The following NRXN3 variants were observed in gnomAD, a reference collection of about 807,000 sequenced individuals.
NRXN3 encodes neurexin 3.
A neutral mutation model predicts 137.6 loss-of-function variants in NRXN3; 32 were observed. That is an observed-to-expected ratio of 0.23 (90% confidence interval 0.18 to 0.31). NRXN3 has a LOEUF of 0.31. Ranked by LOEUF, NRXN3 falls within the 10% of genes least tolerant of loss-of-function variation. NRXN3 has a pLI of 1.00. For synonymous variants in NRXN3, 798 were observed against 784.5 expected (o/e 1.02, Z -0.29); for missense variants, 1,574 against 2,062.5 (o/e 0.76, Z 4.59).
intron 9 of NRXN3, among the ~76,000 whole-genome samples, chr14:78,806,930 CT>C (rs1364589675): frequency 1.3e-5 from 2 of 152,162 alleles, no homozygotes; most frequent in Admixed American, 6.5e-5. Flanking sequence ...TTTATGCTTA[CT>C]TTTACAGATG....
At chr14:79,810,972 C>A (rs755179309) in intron 20 of NRXN3, among the ~76,000 whole-genome samples, 3 of 152,138 alleles carry the variant, frequency 2.0e-5, no homozygotes, top group Non-Finnish European at 2.9e-5. Flanking sequence ...GTGTCTTTGT[C>A]AAGTTTGAAG....
At chr14:78,526,689 G>A (rs2096384758) in intron 4 of NRXN3, 1 of 503,448 alleles carries the variant, frequency 2.0e-6, no homozygotes, top group South Asian at 1.5e-5. Flanking sequence ...GTGCACTAGG[G>A]TAAGCACTTT....
intron 2 of NRXN3, among the ~76,000 whole-genome samples, chr14:78,264,480 A>G (rs1290908411): frequency 6.6e-6 from 1 of 152,120 alleles, no homozygotes; most frequent in African/African-American, 2.4e-5. Context: ...GGTCAGTGGC[A>G]GAGTTGGGGA....
At chr14:78,314,131 T>C (rs1195570186) in intron 4 of NRXN3, among the ~76,000 whole-genome samples, 3 of 152,186 alleles carry the variant, frequency 2.0e-5, no homozygotes, top group Non-Finnish European at 4.4e-5. Flanking sequence ...CTTTTCTGGG[T>C]GCAAGTAGTT....
chr14:79,111,597 G>C (rs1354603351), intron 15 of NRXN3, among the ~76,000 whole-genome samples: 1 of 152,110 alleles, frequency 6.6e-6, no homozygotes, highest in Admixed American at 6.5e-5. Flanking sequence ...AAATTAGCCA[G>C]GCGTGGTGAT....
chr14:78,768,888 C>T (rs1265484612), intron 8 of NRXN3, among the ~76,000 whole-genome samples: 1 of 152,190 alleles, frequency 6.6e-6, no homozygotes, highest in African/African-American at 2.4e-5. Context: ...ACTAGAAGCT[C>T]TCCAAACCCC....
At chr14:78,517,760 C>T (rs1193864222) in intron 4 of NRXN3, among the ~76,000 whole-genome samples, 2 of 152,166 alleles carry the variant, frequency 1.3e-5, no homozygotes, top group Non-Finnish European at 2.9e-5. Context: ...ATTAGATGGA[C>T]TATCTAGACG....
At chr14:78,895,528 G>A (rs1312947403) in intron 10 of NRXN3, among the ~76,000 whole-genome samples, 5 of 151,854 alleles carry the variant, frequency 3.3e-5, no homozygotes, top group Non-Finnish European at 5.9e-5. Flanking sequence ...CTCCATATAA[G>A]CAATAAGCTT....
intron 15 of NRXN3, among the ~76,000 whole-genome samples, chr14:79,453,592 A>T (rs2096211790): frequency 6.6e-6 from 1 of 152,208 alleles, no homozygotes; most frequent in African/African-American, 2.4e-5. Flanking sequence ...GCATTCTATG[A>T]TGATACAGTA....
chr14:78,296,686 C>A (rs1485927145), intron 3 of NRXN3, among the ~76,000 whole-genome samples: 1 of 152,168 alleles, frequency 6.6e-6, no homozygotes, highest in Non-Finnish European at 1.5e-5. Flanking sequence ...GACCCCCTGA[C>A]ATTTATGGCA....
intron 16 of NRXN3, among the ~76,000 whole-genome samples, chr14:79,573,556 G>C (rs1319538223): frequency 6.6e-6 from 1 of 152,090 alleles, no homozygotes. Context: ...AGCCTGACTT[G>C]CTCTGTTTTA....
chr14:79,726,086 T>C (rs905596110), intron 19 of NRXN3, among the ~76,000 whole-genome samples: 7 of 152,208 alleles, frequency 4.6e-5, no homozygotes, highest in Middle Eastern at 3.2e-3. Context: ...ACAGTATTTG[T>C]GCCAATCTCT....
intron 16 of NRXN3, among the ~76,000 whole-genome samples, chr14:79,496,801 G>A (rs533926077): frequency 1.3e-5 from 2 of 152,296 alleles, no homozygotes; most frequent in East Asian, 1.9e-4. Flanking sequence ...CCCTTGTCAG[G>A]CCTTGGGCTA....
intron 4 of NRXN3, among the ~76,000 whole-genome samples, chr14:78,497,628 A>G (rs1480134273): frequency 6.6e-6 from 1 of 151,350 alleles, no homozygotes; most frequent in Non-Finnish European, 1.5e-5. Flanking sequence ...CCATCCATCT[A>G]TCCATCTGTC....
At chr14:78,801,838 G>C (rs934524198) in intron 8 of NRXN3, among the ~76,000 whole-genome samples, 6 of 152,030 alleles carry the variant, frequency 3.9e-5, no homozygotes, top group South Asian at 2.1e-4. Flanking sequence ...TATCCCATCT[G>C]CCTTAATTGC....
chr14:78,673,871 C>T (rs542685064), intron 6 of NRXN3, among the ~76,000 whole-genome samples: 1 of 152,258 alleles, frequency 6.6e-6, no homozygotes, highest in African/African-American at 2.4e-5. Context: ...TGGCACCTTC[C>T]GTAGGAAGTC....
chr14:79,122,143 T>C (rs2055554466), intron 15 of NRXN3, among the ~76,000 whole-genome samples: 1 of 152,230 alleles, frequency 6.6e-6, no homozygotes, highest in Non-Finnish European at 1.5e-5. Flanking sequence ...CTGACAAATA[T>C]GTGCAGGTGG....
intron 15 of NRXN3, among the ~76,000 whole-genome samples, chr14:79,257,699 G>A (rs1187737748): frequency 2.7e-5 from 4 of 150,936 alleles, no homozygotes; most frequent in Non-Finnish European, 4.4e-5. Context: ...CATTTGAGAA[G>A]TAAGACAAAT....
intron 8 of NRXN3, among the ~76,000 whole-genome samples, chr14:78,719,905 T>C (rs2098451895): frequency 6.6e-6 from 1 of 152,150 alleles, no homozygotes; most frequent in East Asian, 1.9e-4. Context: ...TACCTGCACC[T>C]CATTCCTGTT....
Sources: gnomAD v4.1 joint callset for allele counts (sites outside exome capture counted in the v4.1 genomes callset) on GRCh38, gnomAD v4.1.1 for gene constraint, MANE v1.5 for transcripts, NCBI Gene and HGNC (gene_info 2026-07-23, HGNC 2026-07-21) for gene names.